The following CAPN3 variants were observed in gnomAD, a reference collection of about 807,000 sequenced individuals.
CAPN3 encodes calpain 3, also known as calpain-3.
Under a neutral mutation model 114.0 loss-of-function variants are expected in CAPN3, and 88 were observed. The observed-to-expected ratio is 0.77, with a 90% confidence interval of 0.65 to 0.92. The LOEUF (loss-of-function observed/expected upper bound fraction) is 0.92. CAPN3 is among the 40% of genes least tolerant of loss of function. The pLI is 0.00. For missense variants in CAPN3, 1,028 were observed against 1,069.0 expected, an observed-to-expected ratio of 0.96 and a Z score of 0.53; for synonymous variants, 386 against 382.9, an observed-to-expected ratio of 1.01 and a Z score of -0.09.
Position 42,389,071 on chromosome 15 carries a change from G to A in CAPN3, c.776G>A (p.Gly259Asp). 6.2e-7 allele frequency: 1 copy of A among 1,614,100 alleles called. No individual in the cohort carries two copies. The highest frequency in any genetic ancestry group is 8.5e-7 in the Non-Finnish European group (1 of 1,180,030). ...YKIMKKAIERGSLMGCSIDDG... is the reference protein window; with the variant it reads ...YKIMKKAIERDSLMGCSIDDG... ...ATCATGAAGAAAGCCATCGAGAGAGGCTCCCTCATGGGCTGCTCCATTGAT... is the reference window on the plus strand; with the variant it reads ...ATCATGAAGAAAGCCATCGAGAGAGACTCCCTCATGGGCTGCTCCATTGAT... The change falls in exon 5 of 24, where the codon GGC becomes GAC. Residue 259 changes from glycine to aspartate, a missense_variant. Gly to Asp is a moderately conservative substitution (Grantham distance 94). Coordinates refer to ENST00000397163, the MANE Select transcript of CAPN3 (RefSeq NM_000070.3).
chr15:42,392,017 T>C (rs2053567941), intron 6 of CAPN3, among the ~76,000 whole-genome samples: 2 of 151,678 alleles, frequency 1.3e-5, no homozygotes, highest in East Asian at 1.9e-4. Context: ...TACAAAAAAT[T>C]AGCTGAGCAT....
chr15:42,412,223 T>G lies in CAPN3; in HGVS notation c.*450T>G. On this transcript the variant is annotated 3_prime_UTR_variant, in exon 24 of 24. Coordinates refer to ENST00000397163, the MANE Select transcript of CAPN3 (RefSeq NM_000070.3). Reference sequence around the variant, plus strand: ...ACTGCTGTGGGGTAAACTAACTCAGTGGAATAGGGCTGGTTACTTTGGGCT... The same window carrying G: ...ACTGCTGTGGGGTAAACTAACTCAGGGGAATAGGGCTGGTTACTTTGGGCT... 2.6e-6 allele frequency: 4 copies of G among 1,528,020 alleles called. No individual in the cohort carries two copies. Among genetic ancestry groups the G allele is most frequent in the Non-Finnish European group, 3.5e-6 (4 of 1,140,092 alleles). The allele number at this position is 1,528,020 out of a possible 1,614,324, so 94.7% of individuals were successfully genotyped here. A position where few individuals can be genotyped will look rare whatever the true frequency, so the allele number is the denominator to read the frequency against.
rs2054188913 is a variant in CAPN3 at position 42,410,673 on chromosome 15, AGAAG to A, written c.2263+13_2263+16del. 3.1e-6 allele frequency: 5 copies of A among 1,611,882 alleles called. No homozygotes were observed. The highest frequency in any genetic ancestry group is 4.2e-6 in the Non-Finnish European group (5 of 1,178,490). ...AATGCAGTCAACGACGCAGGTGCTG[AGAAG>A]GAAGGGGTGGCAGGGATGTGGACCC... On this transcript the variant is annotated splice_region_variant and intron_variant, in intron 21 of 23. Coordinates refer to ENST00000397163, the MANE Select transcript of CAPN3 (RefSeq NM_000070.3).
intron 8 of CAPN3, among the ~76,000 whole-genome samples, chr15:42,396,265 C>T (rs28364463): frequency 0.011 from 1,494 of 134,606 alleles, 32 homozygotes; most frequent in African/African-American, 0.044. Context: ...TTTTTTGAGA[C>T]GGAGTCTCAC....
In CAPN3 at chr15:42,386,180, T is replaced by G; in HGVS notation, c.393T>G (p.Phe131Leu). The change falls in exon 3 of 24, where the codon TTT becomes TTG. Residue 131 changes from phenylalanine (F) to leucine (L), a missense_variant. Phe to Leu is a conservative substitution (Grantham distance 22). Transcript: ENST00000397163. Reference protein sequence around the residue: ...ICQGELGDCWFLAAIACLTLN... With the variant: ...ICQGELGDCWLLAAIACLTLN... ...GTCTGCCTGCAGGGGACTGCTGGTT[T>G]CTCGCAGCCATTGCCTGCCTGACCC... The G allele has an allele frequency of 1.2e-6, 2 of 1,613,306 alleles. No homozygotes were observed. The highest frequency in any genetic ancestry group is 4.5e-5 in the East Asian group (2 of 44,866).
chr15:42,365,188 T>G (rs1249328620), intron 1 of CAPN3, among the ~76,000 whole-genome samples: 1 of 152,168 alleles, frequency 6.6e-6, no homozygotes, highest in Non-Finnish European at 1.5e-5. Flanking sequence ...CCCACCGTAT[T>G]TAGCAGCTGG....
intron 10 of CAPN3, 92 bp from the exon 11 acceptor site, chr15:42,401,549 A>T: frequency 1.1e-6 from 1 of 892,056 alleles, no homozygotes; most frequent in Non-Finnish European, 1.6e-6. Context: ...ACCTAGATGT[A>T]GGGAATAGAA....
chr15:42,371,730 G>A (rs953272403), intron 1 of CAPN3, among the ~76,000 whole-genome samples: 3 of 152,124 alleles, frequency 2.0e-5, no homozygotes, highest in African/African-American at 4.8e-5. Context: ...TTGGGAGGCC[G>A]AGATGGGCAG....
chr15:42,386,426 G>T (rs1566974582), intron 3 of CAPN3, 141 bp downstream of exon 3: 1 of 756,578 alleles, frequency 1.3e-6, no homozygotes, highest in Non-Finnish European at 2.4e-6. Context: ...CCCCCTTAAG[G>T]CTTCAAGCCT....
chr15:42,392,783 G>A (rs975124042), intron 7 of CAPN3, 61 bp downstream of exon 7: 1 of 1,421,080 alleles, frequency 7.0e-7, no homozygotes, highest in Non-Finnish European at 9.9e-7. Flanking sequence ...CATGAAGTCA[G>A]GACTTAGCTG....
intron 6 of CAPN3, among the ~76,000 whole-genome samples, chr15:42,390,787 T>G (rs1595824607): frequency 6.7e-6 from 1 of 149,242 alleles, no homozygotes; most frequent in South Asian, 2.1e-4. Context: ...TTTTTGTTTT[T>G]TTGTTTTTTT....
At chr15:42,395,603 G>T (rs573082898) in intron 8 of CAPN3, among the ~76,000 whole-genome samples, 2 of 152,296 alleles carry the variant, frequency 1.3e-5, no homozygotes, top group Admixed American at 6.5e-5. Flanking sequence ...CTCCTCAGTT[G>T]TCTACTTCAC....
chr15:42,406,546 G>A (rs1389757859), intron 15 of CAPN3, among the ~76,000 whole-genome samples: 1 of 151,970 alleles, frequency 6.6e-6, no homozygotes. Context: ...TACAAAGTAG[G>A]TGCTGTTATT....
chr15:42,386,647 A>G (rs527999594), intron 3 of CAPN3, among the ~76,000 whole-genome samples: 1 of 152,060 alleles, frequency 6.6e-6, no homozygotes, highest in Non-Finnish European at 1.5e-5. Flanking sequence ...TTGTACAGGA[A>G]CCCCTGTCCA....
intron 1 of CAPN3, among the ~76,000 whole-genome samples, chr15:42,380,711 T>C (rs2053220193): frequency 7.0e-6 from 1 of 142,410 alleles, no homozygotes; most frequent in East Asian, 2.0e-4. Context: ...AAACGGGGTC[T>C]CTCCCCCCAC....
intron 16 of CAPN3, chr15:42,409,082 T>A (rs2054119019): frequency 1.4e-5 from 8 of 586,212 alleles, no homozygotes; most frequent in South Asian, 3.9e-5. Context: ...GGCCGCCATA[T>A]CTCCTTTGGC....
chr15:42,399,397 A>C (rs2053799925), intron 9 of CAPN3, 95 bp from the exon 10 acceptor site: 2 of 999,896 alleles, frequency 2.0e-6, no homozygotes, highest in Non-Finnish European at 3.2e-6. Context: ...CCTGTGAACT[A>C]TTTTATTATT....
rs551835368 is a variant in CAPN3, at chr15:42,386,125, G to T, written c.380-42G>T. The stretch of plus-strand genomic sequence containing the variant: ...GATTGGGGCTTTTTCTTCCCAGGAG[G>T]AGCAGGAGTGCTCACGATCTGTGCC... On this transcript the variant is annotated intron_variant, in intron 2 of 23. Coordinates refer to ENST00000397163, the MANE Select transcript of CAPN3 (RefSeq NM_000070.3). 2.5e-5 allele frequency: 34 copies of T among 1,386,766 alleles called. No homozygotes were observed. In the South Asian group the frequency reaches 3.2e-4, roughly 13 times the overall value. 85.9% of individuals were successfully genotyped at this position (1,386,766 alleles called of 1,614,324 possible).
At chr15:42,409,583 GCT>G (rs1241784208) in intron 17 of CAPN3, among the ~76,000 whole-genome samples, 2 of 152,144 alleles carry the variant, frequency 1.3e-5, no homozygotes, top group South Asian at 4.1e-4. Flanking sequence ...AGGCCTTTTT[GCT>G]CTGAGCTGCC....
Sources: allele counts gnomAD v4.1 joint callset (sites outside exome capture counted in the v4.1 genomes callset), GRCh38; gene constraint gnomAD v4.1.1; transcripts MANE v1.5; gene names NCBI Gene and HGNC (gene_info 2026-07-23, HGNC 2026-07-21).